Variants in RAB38 observed in about 807,000 individuals in gnomAD.
RAB38 encodes ras-related protein Rab-38.
A neutral mutation model predicts 18.4 loss-of-function variants in RAB38; 15 were observed. The ratio of observed to expected loss-of-function variants is 0.82; its 90% CI spans 0.55 to 1.26. The LOEUF (loss-of-function observed/expected upper bound fraction) is 1.26. Among genes scored for constraint, RAB38 ranks in the 50% most tolerant of loss-of-function variants. The probability of loss-of-function intolerance (pLI) is 0.00; values close to 1 mark genes in which losing one functional copy is unlikely to be tolerated. For synonymous variants in RAB38, 101 were observed against 104.4 expected (o/e 0.97, Z 0.20); for missense variants, 294 against 267.4 (o/e 1.10, Z -0.69).
chr11:87,862,962 G>T, the RAB38 span, among the ~76,000 whole-genome samples: 628 of 151,964 alleles, frequency 4.1e-3, 7 homozygotes, highest in Non-Finnish European at 6.7e-3. Flanking sequence ...CTCTAATTTA[G>T]TAATTCATTT....
chr11:87,857,999 T>C, the RAB38 span, among the ~76,000 whole-genome samples: 2 of 152,122 alleles, frequency 1.3e-5, no homozygotes, highest in Non-Finnish European at 2.9e-5. Flanking sequence ...GGTTTTAGGT[T>C]TAACATTTAA....
the RAB38 span, among the ~76,000 whole-genome samples, chr11:87,921,071 AG>A: frequency 6.6e-6 from 1 of 152,142 alleles, no homozygotes; most frequent in African/African-American, 2.4e-5. Flanking sequence ...AATGAACAAG[AG>A]GGGGTAAACC....
the RAB38 span, among the ~76,000 whole-genome samples, chr11:88,075,137 C>A: frequency 2.6e-5 from 4 of 152,190 alleles, 1 homozygote; most frequent in African/African-American, 9.7e-5. Context: ...ATGGACAGCT[C>A]ATTCAGACAG....
Position 88,175,234 on chromosome 11 carries a change from G to A in RAB38, c.151C>T (p.Leu51Phe), listed in dbSNP as rs762474345. ...ACCACAGTCTCCGGGTCCCAGTGGA[G>A]CACCTTGAGCGCGAAGTCCACGCCG... is the stretch of plus-strand genomic sequence containing the variant. ...TIGVDFALKV[L>F]HWDPETVVRL... The change falls in exon 1 of 3, where the codon CTC (leucine) becomes TTC (phenylalanine). Residue 51 changes from leucine to phenylalanine, a missense_variant. Leu to Phe is a conservative substitution (Grantham distance 22). Transcript: ENST00000243662. The A allele has an allele frequency of 3.2e-5, 52 of 1,613,940 alleles. No homozygotes were observed. In the Admixed American group the frequency reaches 8.2e-4, roughly 25 times the overall value.
chr11:87,881,517 T>A, the RAB38 span, among the ~76,000 whole-genome samples: 1 of 151,922 alleles, frequency 6.6e-6, no homozygotes, highest in Non-Finnish European at 1.5e-5. Flanking sequence ...AGTGATCTGT[T>A]ATTTTCTCTA....
chr11:87,949,666 G>A, the RAB38 span, among the ~76,000 whole-genome samples: 1 of 152,302 alleles, frequency 6.6e-6, no homozygotes, highest in East Asian at 1.9e-4. Context: ...TCATTCAGGA[G>A]CAGGTTGTTC....
At chr11:87,937,154 A>G in the RAB38 span, among the ~76,000 whole-genome samples, 1 of 151,586 alleles carries the variant, frequency 6.6e-6, no homozygotes. Context: ...TGACATTATT[A>G]TCTGAATGAG....
chr11:87,819,964 G>T, the RAB38 span, among the ~76,000 whole-genome samples: 1 of 152,000 alleles, frequency 6.6e-6, no homozygotes, highest in Non-Finnish European at 1.5e-5. Flanking sequence ...TGCTCCTATT[G>T]GTTGGTTATA....
At chr11:87,856,742 G>A in the RAB38 span, among the ~76,000 whole-genome samples, 2 of 151,620 alleles carry the variant, frequency 1.3e-5, no homozygotes, top group African/African-American at 2.4e-5. Flanking sequence ...TTTACTTTAA[G>A]TTCTGGGATA....
chr11:88,070,381 C>T, the RAB38 span, among the ~76,000 whole-genome samples: 17,184 of 152,186 alleles, frequency 0.11, 1,926 homozygotes, highest in East Asian at 0.33. Flanking sequence ...AAGGAACAAA[C>T]TCCGGACACG....
the RAB38 span, among the ~76,000 whole-genome samples, chr11:88,078,253 T>C: frequency 3.3e-5 from 5 of 152,028 alleles, no homozygotes; most frequent in African/African-American, 4.8e-5. Flanking sequence ...GAAAACTGTG[T>C]GGAGGTTCCT....
At chr11:87,885,090 A>T in the RAB38 span, among the ~76,000 whole-genome samples, 1 of 151,994 alleles carries the variant, frequency 6.6e-6, no homozygotes, top group Non-Finnish European at 1.5e-5. Context: ...TGATTTCAAC[A>T]TGTAATCAGA....
chr11:88,160,011 C>A (rs1240115494), intron 1 of RAB38, among the ~76,000 whole-genome samples: 1 of 151,982 alleles, frequency 6.6e-6, no homozygotes, highest in Non-Finnish European at 1.5e-5. Context: ...TTCTGCACAG[C>A]AAAAGAAATT....
the RAB38 span, among the ~76,000 whole-genome samples, chr11:87,870,481 A>C: frequency 2.6e-5 from 4 of 151,420 alleles, no homozygotes; most frequent in African/African-American, 9.7e-5. Flanking sequence ...ATCATTTCAG[A>C]GTCTACACAC....
chr11:88,043,719 C>T, the RAB38 span, among the ~76,000 whole-genome samples: 1 of 152,006 alleles, frequency 6.6e-6, no homozygotes, highest in Non-Finnish European at 1.5e-5. Context: ...TCAGACTCAG[C>T]CCGCCTGCAC....
the RAB38 span, among the ~76,000 whole-genome samples, chr11:87,876,554 G>A: frequency 1.3e-5 from 2 of 151,596 alleles, no homozygotes; most frequent in Non-Finnish European, 3.0e-5. Flanking sequence ...AAGGGATTAT[G>A]AAGACAGGAG....
chr11:88,170,308 G>A (rs571493445), intron 1 of RAB38, among the ~76,000 whole-genome samples: 11 of 152,304 alleles, frequency 7.2e-5, no homozygotes, highest in South Asian at 4.1e-4. Flanking sequence ...GCTCAGACTC[G>A]ATATGCATTT....
chr11:88,120,626 G>A (rs1942617284), intron 2 of RAB38, among the ~76,000 whole-genome samples: 1 of 152,172 alleles, frequency 6.6e-6, no homozygotes, highest in Non-Finnish European at 1.5e-5. Flanking sequence ...ATATAGTGAA[G>A]AGAAAGGTTC....
At chr11:88,125,756 T>C (rs1003705874) in intron 2 of RAB38, among the ~76,000 whole-genome samples, 4 of 152,242 alleles carry the variant, frequency 2.6e-5, no homozygotes, top group African/African-American at 4.8e-5. Flanking sequence ...TTTGTTGCCA[T>C]TGCCTTTGGT....
Sources: gnomAD v4.1 joint callset for allele counts (sites outside exome capture counted in the v4.1 genomes callset) on GRCh38, gnomAD v4.1.1 for gene constraint, MANE v1.5 for transcripts, NCBI Gene and HGNC (gene_info 2026-07-23, HGNC 2026-07-21) for gene names.